Variants in CWC27 observed in about 807,000 individuals in gnomAD.
The protein encoded by CWC27 is CWC27 spliceosome associated cyclophilin, also known as spliceosome-associated protein CWC27 homolog.
A neutral mutation model predicts 63.6 loss-of-function variants in CWC27; 47 were observed. The ratio of observed to expected loss-of-function variants is 0.74; its 90% confidence interval spans 0.58 to 0.94. The LOEUF is 0.94. Among genes scored for constraint, CWC27 ranks in the 40% least tolerant of loss-of-function variants. CWC27 has a pLI of 0.00. For synonymous variants in CWC27, 175 were observed against 179.8 expected (o/e 0.97, Z 0.22); for missense variants, 495 against 554.3 (o/e 0.89, Z 1.07).
rs2112207891 is a variant in CWC27, at chr5:64,801,303, GA to G, written c.756del (p.Gly253ValfsTer6). The G allele has an allele frequency of 2.2e-5, 31 of 1,412,666 alleles. No homozygotes were observed. Among genetic ancestry groups the G allele is most frequent in the Admixed American group, 7.1e-5 (3 of 42,526 alleles). 87.5% of individuals were successfully genotyped at this position (1,412,666 alleles called of 1,614,324 possible). On this transcript the variant is annotated frameshift_variant and splice_region_variant, in exon 9 of 14. Coordinates refer to ENST00000381070, the MANE Select transcript of CWC27 (RefSeq NM_005869.4). LOFTEE classifies it high-confidence loss of function. ...HLSSVPVVES[E>X]KGDAPDLVDD... ...TTGTTTTGCTTATTTTTTTTATAGTGAAAAAGGTGATGCACCAGATTTAGTT... is the reference window on the plus strand; with the variant it reads ...TTGTTTTGCTTATTTTTTTTATAGTGAAAAGGTGATGCACCAGATTTAGTT...
chr5:65,012,743 T>C (rs60531993), intron 13 of CWC27, among the ~76,000 whole-genome samples: 5 of 152,192 alleles, frequency 3.3e-5, no homozygotes, highest in African/African-American at 4.8e-5. Context: ...TTTGAGTAGT[T>C]TGTCATTAGG....
At chr5:64,798,075 G>A (rs1033706564) in intron 7 of CWC27, among the ~76,000 whole-genome samples, 3 of 152,186 alleles carry the variant, frequency 2.0e-5, no homozygotes, top group Non-Finnish European at 2.9e-5. Flanking sequence ...GACGGCCAGA[G>A]ATGCAGGAGG....
intron 9 of CWC27, among the ~76,000 whole-genome samples, chr5:64,801,785 A>G (rs2112209138): frequency 6.6e-6 from 1 of 152,300 alleles, no homozygotes; most frequent in East Asian, 1.9e-4. Flanking sequence ...GATCTTTATT[A>G]GTTGTAGTGG....
At chr5:64,881,105 C>T (rs909321633) in intron 10 of CWC27, among the ~76,000 whole-genome samples, 9 of 152,010 alleles carry the variant, frequency 5.9e-5, no homozygotes. Flanking sequence ...GGTTTAAAAA[C>T]TTGCACTTCG....
intron 10 of CWC27, among the ~76,000 whole-genome samples, chr5:64,812,254 A>G (rs1744899042): frequency 6.6e-6 from 1 of 152,138 alleles, no homozygotes; most frequent in Non-Finnish European, 1.5e-5. Flanking sequence ...ACAAACATTG[A>G]AACCCACAGA....
intron 10 of CWC27, among the ~76,000 whole-genome samples, chr5:64,805,596 A>G (rs1379368420): frequency 2.0e-5 from 3 of 152,036 alleles, no homozygotes; most frequent in Non-Finnish European, 4.4e-5. Context: ...ATGTAACAAA[A>G]ATATATTTAA....
chr5:64,949,424 G>GT (rs1265665922), intron 11 of CWC27, among the ~76,000 whole-genome samples: 2 of 151,930 alleles, frequency 1.3e-5, no homozygotes, highest in Non-Finnish European at 2.9e-5. Flanking sequence ...TTTAGTCACA[G>GT]TTTTTTTGTT....
At chr5:64,996,284 AC>A (rs1749630857) in intron 13 of CWC27, among the ~76,000 whole-genome samples, 1 of 152,086 alleles carries the variant, frequency 6.6e-6, no homozygotes, top group Non-Finnish European at 1.5e-5. Context: ...CCCTCCAAAA[AC>A]ATATGTTAAT....
At chr5:65,018,135 T>C in intron 13 of CWC27, 24 bp from the exon 14 acceptor site, 1 of 1,558,408 alleles carries the variant, frequency 6.4e-7, no homozygotes, top group Non-Finnish European at 8.6e-7. Flanking sequence ...AAGAAATCAC[T>C]GAACCATCTC....
chr5:65,001,702 C>T (rs1419827102), intron 13 of CWC27, among the ~76,000 whole-genome samples: 1 of 151,856 alleles, frequency 6.6e-6, no homozygotes, highest in African/African-American at 2.4e-5. Context: ...CTTTTTGATG[C>T]GTTGTTGGAT....
At chr5:64,774,184 C>G (rs774867930) in intron 1 of CWC27, among the ~76,000 whole-genome samples, 1 of 152,126 alleles carries the variant, frequency 6.6e-6, no homozygotes, top group Non-Finnish European at 1.5e-5. Flanking sequence ...GAGACAGGGT[C>G]TTGCTCTGTC....
At chr5:64,781,227 T>C (rs1202037247) in intron 2 of CWC27, among the ~76,000 whole-genome samples, 2 of 152,190 alleles carry the variant, frequency 1.3e-5, no homozygotes, top group Non-Finnish European at 2.9e-5. Flanking sequence ...TAAATATTAA[T>C]AATTTATTTC....
At chr5:64,782,435 G>A (rs1743731130) in intron 3 of CWC27, among the ~76,000 whole-genome samples, 2 of 70,742 alleles carry the variant, frequency 2.8e-5, no homozygotes, top group South Asian at 4.6e-4. Context: ...GCGACAGAGC[G>A]AGACTCCGTC....
intron 11 of CWC27, among the ~76,000 whole-genome samples, chr5:64,910,941 G>T (rs979740161): frequency 6.6e-6 from 1 of 152,166 alleles, no homozygotes; most frequent in East Asian, 1.9e-4. Flanking sequence ...GCTTCAGCTT[G>T]CCCTCCGTGG....
At position 64,846,138 on chromosome 5, in the gene CWC27, AG is replaced by A. The variant is rs201623557; in HGVS notation, c.939-39304del. 1.5e-3 allele frequency among the ~76,000 whole-genome samples: 231 copies of A among 152,316 alleles called. 4 individuals are homozygous for A. In the East Asian group the frequency reaches 0.04, roughly 26 times the overall value. ...CAATCAAGAATACTTAACCCAGCAAAGCTATCTTTCATAATTGAGAAGGAAA... is the reference window on the plus strand; with the variant it reads ...CAATCAAGAATACTTAACCCAGCAAACTATCTTTCATAATTGAGAAGGAAA... On this transcript the variant is annotated intron_variant, in intron 10 of 13. Coordinates refer to ENST00000381070, the MANE Select transcript of CWC27 (RefSeq NM_005869.4).
At chr5:64,972,606 TA>T (rs1749147630) in intron 12 of CWC27, 2 of 424,314 alleles carry the variant, frequency 4.7e-6, no homozygotes, top group African/African-American at 2.1e-5. Flanking sequence ...AAAAGTAAAT[TA>T]AAAAGCCCAA....
At chr5:64,999,646 G>T (rs1185045417) in intron 13 of CWC27, among the ~76,000 whole-genome samples, 2 of 151,994 alleles carry the variant, frequency 1.3e-5, no homozygotes, top group Non-Finnish European at 2.9e-5. Flanking sequence ...TTCTATCTGT[G>T]TTGCTAAAAA....
intron 11 of CWC27, among the ~76,000 whole-genome samples, chr5:64,937,770 G>T (rs757371681): frequency 2.0e-5 from 3 of 151,960 alleles, no homozygotes; most frequent in Non-Finnish European, 4.4e-5. Flanking sequence ...TACAAATCTG[G>T]GTGCTCCTGT....
chr5:64,985,560 ATTGT>A (rs1178091141), intron 13 of CWC27, among the ~76,000 whole-genome samples: 2 of 151,958 alleles, frequency 1.3e-5, no homozygotes, highest in Non-Finnish European at 2.9e-5. Flanking sequence ...TTGGTTTGCA[ATTGT>A]TTGTCATTGT....
Sources: gnomAD v4.1 joint callset for allele counts (sites outside exome capture counted in the v4.1 genomes callset) on GRCh38, gnomAD v4.1.1 for gene constraint, MANE v1.5 for transcripts, NCBI Gene and HGNC (gene_info 2026-07-23, HGNC 2026-07-21) for gene names.